Variants in RANBP2 observed in about 807,000 individuals in gnomAD.
RANBP2 encodes the protein RAN binding protein 2.
A neutral mutation model predicts 303.6 loss-of-function variants in RANBP2; 57 were observed. The observed-to-expected ratio is 0.19, with a 90% CI of 0.15 to 0.23. RANBP2 has a LOEUF of 0.23. Among genes scored for constraint, RANBP2 ranks in the 10% least tolerant of loss-of-function variants. The pLI is 1.00. For synonymous variants in RANBP2, 1,167 were observed against 1,301.5 expected (o/e 0.90, Z 2.23); for missense variants, 3,138 against 3,780.8 (o/e 0.83, Z 4.46).
chr2:109,269,103 G>A, the RANBP2 span, among the ~76,000 whole-genome samples: 12 of 152,302 alleles, frequency 7.9e-5, no homozygotes, highest in East Asian at 9.7e-4. Context: ...CACAAGGGCC[G>A]CACGTGGATT....
chr2:109,010,282 T>C, the RANBP2 span, among the ~76,000 whole-genome samples: 2 of 152,186 alleles, frequency 1.3e-5, no homozygotes, highest in Non-Finnish European at 2.9e-5. Flanking sequence ...TGGCATCCTC[T>C]ACGGAAGGTA....
the RANBP2 span, among the ~76,000 whole-genome samples, chr2:109,004,764 A>T: frequency 6.6e-6 from 1 of 152,042 alleles, no homozygotes; most frequent in African/African-American, 2.4e-5. Flanking sequence ...TTCATTCCCC[A>T]CTAGTCATTT....
the RANBP2 span, among the ~76,000 whole-genome samples, chr2:109,013,873 G>A: frequency 2.6e-5 from 4 of 151,958 alleles, no homozygotes; most frequent in African/African-American, 7.3e-5. Context: ...CACCACACCC[G>A]GCCCTTTCCA....
intron 4 of RANBP2, among the ~76,000 whole-genome samples, chr2:108,735,017 A>G (rs1364419482): frequency 6.6e-6 from 1 of 152,166 alleles, no homozygotes; most frequent in Admixed American, 6.5e-5. Context: ...CTCTCCTTGT[A>G]TGTAAGTTCA....
chr2:109,411,600 T>A, the RANBP2 span, among the ~76,000 whole-genome samples: 8 of 151,988 alleles, frequency 5.3e-5, no homozygotes, highest in African/African-American at 1.9e-4. Context: ...GCCACTCATT[T>A]CTTTGTACTT....
chr2:109,428,095 G>C, the RANBP2 span, among the ~76,000 whole-genome samples: 1 of 152,212 alleles, frequency 6.6e-6, no homozygotes, highest in Non-Finnish European at 1.5e-5. Flanking sequence ...CTGCAGAGTG[G>C]GTGCTGCACC....
At chr2:109,633,162 C>A in the RANBP2 span, among the ~76,000 whole-genome samples, 1 of 152,040 alleles carries the variant, frequency 6.6e-6, no homozygotes, top group Non-Finnish European at 1.5e-5. Flanking sequence ...GAGGCCATGG[C>A]GGGTGGAATC....
chr2:109,132,592 A>G, the RANBP2 span, among the ~76,000 whole-genome samples: 3 of 152,212 alleles, frequency 2.0e-5, no homozygotes, highest in African/African-American at 7.2e-5. Flanking sequence ...GCCTAAGATC[A>G]GGAGTTGGTC....
the RANBP2 span, among the ~76,000 whole-genome samples, chr2:109,318,783 A>G: frequency 1.3e-5 from 2 of 152,232 alleles, no homozygotes; most frequent in Non-Finnish European, 2.9e-5. Context: ...ATGAAAGCCC[A>G]GCCCTGACGA....
chr2:109,242,710 G>A, the RANBP2 span, among the ~76,000 whole-genome samples: 5 of 152,194 alleles, frequency 3.3e-5, no homozygotes, highest in Admixed American at 6.5e-5. Flanking sequence ...GTGAGCCCTG[G>A]TCTGGGCTCA....
At chr2:109,624,124 A>T in the RANBP2 span, among the ~76,000 whole-genome samples, 1 of 152,326 alleles carries the variant, frequency 6.6e-6, no homozygotes, top group East Asian at 1.9e-4. Flanking sequence ...CTAAGACAAA[A>T]ACAAACACCA....
chr2:108,920,653 G>A, the RANBP2 span, among the ~76,000 whole-genome samples: 3 of 152,310 alleles, frequency 2.0e-5, no homozygotes, highest in South Asian at 2.1e-4. Context: ...GCAATCTGAC[G>A]CCTGTCCTCT....
chr2:109,372,124 A>G, the RANBP2 span, among the ~76,000 whole-genome samples: 1 of 152,352 alleles, frequency 6.6e-6, no homozygotes, highest in Non-Finnish European at 1.5e-5. Context: ...GGCCATCTGC[A>G]AAGTCCTCCT....
chr2:108,739,097 T>C (rs948738530), intron 6 of RANBP2, among the ~76,000 whole-genome samples: 16 of 152,234 alleles, frequency 1.1e-4, no homozygotes, highest in African/African-American at 2.2e-4. Flanking sequence ...TTACATGTCA[T>C]GAAGCCTCTA....
At chr2:109,284,876 G>A in the RANBP2 span, among the ~76,000 whole-genome samples, 8 of 152,292 alleles carry the variant, frequency 5.3e-5, no homozygotes, top group African/African-American at 9.6e-5. Context: ...GCTCTTGAAC[G>A]TGCTGACTTT....
the RANBP2 span, among the ~76,000 whole-genome samples, chr2:109,566,279 T>A: frequency 2.6e-5 from 4 of 151,802 alleles, no homozygotes; most frequent in Non-Finnish European, 5.9e-5. Context: ...CACCACAACA[T>A]CCAGCTAATT....
chr2:108,929,574 C>G, the RANBP2 span, among the ~76,000 whole-genome samples: 1 of 152,218 alleles, frequency 6.6e-6, no homozygotes, highest in Non-Finnish European at 1.5e-5. Context: ...CCTCTCCTCG[C>G]CACTCTCAGG....
the RANBP2 span, among the ~76,000 whole-genome samples, chr2:109,167,738 A>AT: frequency 6.6e-6 from 1 of 151,914 alleles, no homozygotes; most frequent in South Asian, 2.1e-4. Context: ...CGCCTGGCTA[A>AT]TTTTTTGTAT....
the RANBP2 span, among the ~76,000 whole-genome samples, chr2:109,205,353 A>G: frequency 6.6e-6 from 1 of 151,260 alleles, no homozygotes; most frequent in South Asian, 2.1e-4. Context: ...CTCCTGCCGC[A>G]GCCTTCTGAG....
Sources: allele counts gnomAD v4.1 joint callset (sites outside exome capture counted in the v4.1 genomes callset), GRCh38; gene constraint gnomAD v4.1.1; transcripts MANE v1.5; gene names NCBI Gene and HGNC (gene_info 2026-07-23, HGNC 2026-07-21).